MEF2D: variants seen among roughly 807,000 people sequenced by gnomAD.
MEF2D encodes the protein myocyte-specific enhancer factor 2D.
A neutral mutation model predicts 59.3 loss-of-function variants in MEF2D; 10 were observed. The ratio of observed to expected loss-of-function variants is 0.17; its 90% CI spans 0.10 to 0.29. MEF2D has a LOEUF of 0.29. MEF2D is among the 10% of genes least tolerant of loss of function. The probability of loss-of-function intolerance (pLI) is 1.00; values close to 1 mark genes in which losing one functional copy is unlikely to be tolerated. For synonymous variants in MEF2D, 305 were observed against 295.0 expected, an observed-to-expected ratio of 1.03 and a Z score of -0.35; for missense variants, 508 against 699.4, an observed-to-expected ratio of 0.73 and a Z score of 3.09.
chr1:156,493,951 A>C (rs1205441367), intron 1 of MEF2D, among the ~76,000 whole-genome samples: 1 of 152,008 alleles, frequency 6.6e-6, no homozygotes, highest in Non-Finnish European at 1.5e-5. Flanking sequence ...ACCTGTCCCC[A>C]CCCAGCCATC....
chr1:156,481,020 C>T (rs551064383), intron 3 of MEF2D, 49 bp from the exon 4 acceptor site: 469 of 1,608,098 alleles, frequency 2.9e-4, no homozygotes, highest in Non-Finnish European at 3.8e-4. Flanking sequence ...TTCCCGCCCG[C>T]CTCGCTGGAG....
intron 1 of MEF2D, among the ~76,000 whole-genome samples, chr1:156,485,079 C>T (rs1211160306): frequency 6.6e-6 from 1 of 152,124 alleles, no homozygotes; most frequent in East Asian, 1.9e-4. Context: ...CAGAGCTCCC[C>T]TTCCATAGAG....
chr1:156,491,230 G>GT (rs1173581063), intron 1 of MEF2D, among the ~76,000 whole-genome samples: 1 of 152,216 alleles, frequency 6.6e-6, no homozygotes, highest in Non-Finnish European at 1.5e-5. Flanking sequence ...GTGATCCTGA[G>GT]TAAGTCACTG....
chr1:156,476,658 C>T (rs12131289), intron 7 of MEF2D, 144 bp from the exon 8 acceptor site: 576,113 of 924,444 alleles, frequency 0.62, 185,134 homozygotes, highest in East Asian at 0.72. Context: ...AGCTCTCCAC[C>T]GTCCTGACTC....
At chr1:156,495,731 T>C (rs958948628) in intron 1 of MEF2D, among the ~76,000 whole-genome samples, 2 of 111,642 alleles carry the variant, frequency 1.8e-5, no homozygotes, top group Non-Finnish European at 3.4e-5. Context: ...AGAGGGGTAA[T>C]GCTGAGGGTA....
intron 1 of MEF2D, among the ~76,000 whole-genome samples, chr1:156,484,788 T>C (rs982300931): frequency 4.6e-5 from 7 of 152,130 alleles, no homozygotes; most frequent in Admixed American, 1.3e-4. Context: ...GGCTCAAGGA[T>C]GGCAGCACAG....
At chr1:156,493,894 C>T (rs536321348) in intron 1 of MEF2D, among the ~76,000 whole-genome samples, 1 of 152,098 alleles carries the variant, frequency 6.6e-6, no homozygotes. Flanking sequence ...CTCCCCACCC[C>T]CAGGCTGACA....
rs1671668064 is a variant in MEF2D, at chr1:156,477,120, G to C, written c.747C>G (p.Ala249=). ...NGNSLNKVIP[A]KSPPPPTHST... Reference sequence around the variant, plus strand: ...TGTGGGTAGGTGGGGGTGGAGACTTGGCAGGGATGACCTTGTTTAGGCTGT... The same window carrying C: ...TGTGGGTAGGTGGGGGTGGAGACTTCGCAGGGATGACCTTGTTTAGGCTGT... The change falls in exon 7 of 12, where the codon GCC becomes GCG. Residue 249 remains alanine, a synonymous_variant. Coordinates refer to ENST00000348159, the MANE Select transcript of MEF2D (RefSeq NM_005920.4). The C allele has an allele frequency of 6.2e-7, 1 of 1,613,940 alleles. No homozygotes were observed.
At chr1:156,485,549 T>A (rs1177252698) in intron 1 of MEF2D, among the ~76,000 whole-genome samples, 4 of 145,180 alleles carry the variant, frequency 2.8e-5, no homozygotes, top group South Asian at 4.4e-4. Context: ...TTGGTGGTGG[T>A]TGTTGTTTTT....
At chr1:156,474,094 C>G (rs928697415) in intron 9 of MEF2D, among the ~76,000 whole-genome samples, 30 of 152,222 alleles carry the variant, frequency 2.0e-4, no homozygotes, top group African/African-American at 7.2e-4. Flanking sequence ...AGACCTGCCT[C>G]TGTCCTGTCT....
intron 2 of MEF2D, 135 bp downstream of exon 2, chr1:156,483,103 CA>C (rs1357565512): frequency 4.3e-6 from 4 of 939,494 alleles, no homozygotes; most frequent in Non-Finnish European, 6.7e-6. Flanking sequence ...CCTCTTCTCC[CA>C]ATCTCCCTTC....
chr1:156,483,416 C>G lies in MEF2D; in HGVS notation c.-124G>C. On this transcript the variant is annotated 5_prime_UTR_variant, in exon 2 of 12. Coordinates refer to ENST00000348159, the MANE Select transcript of MEF2D (RefSeq NM_005920.4). ...GCTCAGTTCATGGTCTGCAGGATAC[C>G]TTCTGCACAGCCTCCTGGAAAGGGA... 1.1e-6 allele frequency: 1 copy of G among 909,140 alleles called. No homozygotes were observed. The highest frequency in any genetic ancestry group is 1.8e-6 in the Non-Finnish European group (1 of 559,642). The allele number at this position is 909,140 out of a possible 1,614,324, so 56.3% of individuals were successfully genotyped here. A position where few individuals can be genotyped will look rare whatever the true frequency, so the allele number is the denominator to read the frequency against.
At chr1:156,472,584 T>C (rs1263288401) in intron 9 of MEF2D, among the ~76,000 whole-genome samples, 1 of 152,266 alleles carries the variant, frequency 6.6e-6, no homozygotes, top group Non-Finnish European at 1.5e-5. Flanking sequence ...AGTCTCGCTC[T>C]GTTGCCCAGG....
chr1:156,497,859 T>C (rs1673219722), intron 1 of MEF2D, among the ~76,000 whole-genome samples: 2 of 150,966 alleles, frequency 1.3e-5, no homozygotes, highest in Admixed American at 1.3e-4. Flanking sequence ...TGGGGAGAGG[T>C]CCAGGCCTCT....
At chr1:156,479,888 A>C in intron 4 of MEF2D, 92 bp from the exon 5 acceptor site, 9 of 1,285,380 alleles carry the variant, frequency 7.0e-6, no homozygotes, top group East Asian at 2.6e-5. Flanking sequence ...GGTTCTTCTC[A>C]TTTCTGGGCT....
intron 7 of MEF2D, 80 bp downstream of exon 7, chr1:156,476,932 T>A: frequency 6.6e-7 from 1 of 1,523,324 alleles, no homozygotes; most frequent in Non-Finnish European, 9.0e-7. Context: ...CCTTCATCTC[T>A]CCTGCTAGAG....
intron 11 of MEF2D, 67 bp downstream of exon 11, chr1:156,467,926 G>C (rs906286311): frequency 3.6e-5 from 56 of 1,534,880 alleles, no homozygotes; most frequent in Non-Finnish European, 4.7e-5. Flanking sequence ...AAACAGGTTA[G>C]GGGGCACGCG....
chr1:156,480,635 C>A, intron 4 of MEF2D, 199 bp downstream of exon 4: 1 of 1,546,240 alleles, frequency 6.5e-7, no homozygotes. Flanking sequence ...CTCCATGCGA[C>A]TACTCACGGC....
At chr1:156,481,273 C>T (rs1671998468) in intron 3 of MEF2D, among the ~76,000 whole-genome samples, 4 of 152,170 alleles carry the variant, frequency 2.6e-5, no homozygotes, top group Admixed American at 6.5e-5. Context: ...AAGGGGCTTC[C>T]AGGGGATGGG....
Sources: gnomAD v4.1 joint callset for allele counts (sites outside exome capture counted in the v4.1 genomes callset) on GRCh38, gnomAD v4.1.1 for gene constraint, MANE v1.5 for transcripts, NCBI Gene and HGNC (gene_info 2026-07-23, HGNC 2026-07-21) for gene names.